Variants in PPP2R2B observed in about 807,000 individuals in gnomAD.
PPP2R2B encodes serine/threonine-protein phosphatase 2A 55 kDa regulatory subunit B beta isoform.
Under a neutral mutation model 46.0 loss-of-function variants are expected in PPP2R2B, and 5 were observed. The observed-to-expected ratio is 0.11, with a 90% CI of 0.06 to 0.23. The LOEUF (loss-of-function observed/expected upper bound fraction) is 0.23. PPP2R2B is among the 10% of genes least tolerant of loss of function. The pLI is 1.00. For synonymous variants in PPP2R2B, 215 were observed against 206.7 expected (o/e 1.04, Z -0.34); for missense variants, 367 against 575.0 (o/e 0.64, Z 3.70).
chr5:146,957,339 T>C (rs1353467786), intron 1 of PPP2R2B, among the ~76,000 whole-genome samples: 2 of 152,198 alleles, frequency 1.3e-5, no homozygotes, highest in Non-Finnish European at 2.9e-5. Context: ...AAGCTCATAG[T>C]TCAGAATGAG....
At chr5:146,947,811 T>A (rs183989491) in intron 1 of PPP2R2B, among the ~76,000 whole-genome samples, 375 of 151,606 alleles carry the variant, frequency 2.5e-3, no homozygotes, top group Middle Eastern at 0.01. Flanking sequence ...CATGCAACCC[T>A]GTGTTCTCAT....
chr5:146,821,330 C>T (rs547381268), intron 2 of PPP2R2B, among the ~76,000 whole-genome samples: 1 of 152,140 alleles, frequency 6.6e-6, no homozygotes, highest in African/African-American at 2.4e-5. Flanking sequence ...CTGAGACCTC[C>T]TTTCTTCACT....
intron 2 of PPP2R2B, among the ~76,000 whole-genome samples, chr5:146,869,511 T>C (rs535445418): frequency 6.6e-6 from 1 of 152,320 alleles, no homozygotes; most frequent in East Asian, 1.9e-4. Flanking sequence ...GACGTATCAC[T>C]AGTAGAAAAA....
At chr5:146,615,378 G>A (rs1188688214) in intron 7 of PPP2R2B, among the ~76,000 whole-genome samples, 1 of 101,924 alleles carries the variant, frequency 9.8e-6, no homozygotes, top group East Asian at 2.9e-4. Flanking sequence ...GGGAGGGATA[G>A]CATTGGGAGA....
At chr5:146,939,460 T>A (rs1357265499) in intron 1 of PPP2R2B, among the ~76,000 whole-genome samples, 1 of 152,172 alleles carries the variant, frequency 6.6e-6, no homozygotes, top group Non-Finnish European at 1.5e-5. Context: ...ATCGCTTAAA[T>A]GGTAAATCCT....
At chr5:146,758,361 T>C (rs1180084400) in intron 2 of PPP2R2B, among the ~76,000 whole-genome samples, 4 of 152,150 alleles carry the variant, frequency 2.6e-5, no homozygotes, top group Admixed American at 6.5e-5. Flanking sequence ...ATTCTTTGAA[T>C]TTCTCTTTCC....
At chr5:146,767,202 A>C (rs1445751151) in intron 2 of PPP2R2B, among the ~76,000 whole-genome samples, 1 of 152,164 alleles carries the variant, frequency 6.6e-6, no homozygotes, top group Non-Finnish European at 1.5e-5. Context: ...AGAATATATA[A>C]AAGTGGCTCA....
intron 1 of PPP2R2B, among the ~76,000 whole-genome samples, chr5:146,894,145 G>A (rs1000977788): frequency 2.0e-5 from 3 of 152,098 alleles, no homozygotes; most frequent in South Asian, 2.1e-4. Context: ...GTGTTCCTGC[G>A]GTAGCTTCTG....
chr5:146,933,644 C>T (rs879300304), intron 1 of PPP2R2B, among the ~76,000 whole-genome samples: 17 of 151,448 alleles, frequency 1.1e-4, no homozygotes, highest in South Asian at 2.1e-4. Context: ...TGTGACCTAT[C>T]GTGACAAACG....
intron 5 of PPP2R2B, among the ~76,000 whole-genome samples, chr5:146,675,345 A>G (rs1278614632): frequency 6.6e-6 from 1 of 152,216 alleles, no homozygotes; most frequent in East Asian, 1.9e-4. Flanking sequence ...TTTATTGAGC[A>G]TCTTCTGACT....
chr5:146,948,366 T>C (rs556026916), intron 1 of PPP2R2B, among the ~76,000 whole-genome samples: 1 of 152,228 alleles, frequency 6.6e-6, no homozygotes, highest in South Asian at 2.1e-4. Flanking sequence ...AATACCTATT[T>C]GTCTTATAGG....
At chr5:146,780,558 A>T (rs891597091) in intron 2 of PPP2R2B, among the ~76,000 whole-genome samples, 1 of 152,206 alleles carries the variant, frequency 6.6e-6, no homozygotes. Flanking sequence ...TTCTACAATT[A>T]TCTTTGGCAT....
At chr5:146,780,557 T>A (rs1202315993) in intron 2 of PPP2R2B, among the ~76,000 whole-genome samples, 2 of 152,192 alleles carry the variant, frequency 1.3e-5, no homozygotes, top group Non-Finnish European at 2.9e-5. Flanking sequence ...TTTCTACAAT[T>A]ATCTTTGGCA....
intron 2 of PPP2R2B, among the ~76,000 whole-genome samples, chr5:146,733,612 A>G (rs1362739790): frequency 6.6e-6 from 1 of 152,216 alleles, no homozygotes; most frequent in East Asian, 1.9e-4. Context: ...AGCTTGGGCT[A>G]GAGCTTTAGA....
chr5:146,590,261 T>C (rs1770479571), intron 9 of PPP2R2B, 35 bp from the exon 10 acceptor site: 2 of 1,599,128 alleles, frequency 1.3e-6, no homozygotes, highest in African/African-American at 2.7e-5. Context: ...TGACATATCT[T>C]CACTGTCTTT....
intron 3 of PPP2R2B, among the ~76,000 whole-genome samples, 174 bp from the exon 4 acceptor site, chr5:146,698,318 ATATAT>A (rs1253203691): frequency 0.062 from 3,437 of 55,510 alleles, 247 homozygotes; most frequent in Non-Finnish European, 0.067. Flanking sequence ...AAAAAAAAAA[ATATAT>A]ATATATATAT....
chr5:146,688,653 T>A (rs554024064), intron 5 of PPP2R2B, among the ~76,000 whole-genome samples: 24 of 152,234 alleles, frequency 1.6e-4, no homozygotes, highest in African/African-American at 5.3e-4. Context: ...TTCATTGGCA[T>A]CACTGGCTTG....
chr5:146,599,594 G>A (rs1437008899), intron 8 of PPP2R2B, among the ~76,000 whole-genome samples: 1 of 152,136 alleles, frequency 6.6e-6, no homozygotes, highest in Non-Finnish European at 1.5e-5. Context: ...CATATTCAAG[G>A]TGTAAGCACC....
At chr5:146,927,391 T>C (rs1477076311) in intron 1 of PPP2R2B, among the ~76,000 whole-genome samples, 2 of 152,144 alleles carry the variant, frequency 1.3e-5, no homozygotes, top group Non-Finnish European at 2.9e-5. Context: ...TCTAGAGCAA[T>C]AAAATCTTTC....
Sources: gnomAD v4.1 joint callset for allele counts (sites outside exome capture counted in the v4.1 genomes callset) on GRCh38, gnomAD v4.1.1 for gene constraint, MANE v1.5 for transcripts, NCBI Gene and HGNC (gene_info 2026-07-23, HGNC 2026-07-21) for gene names.